SLC38A12: variants seen among roughly 807,000 people sequenced by gnomAD.
SLC38A12 encodes the protein solute carrier family 38 member 12, also known as putative sodium-coupled neutral amino acid transporter 12.
the SLC38A12 span, among the ~76,000 whole-genome samples, chr17:74,800,670 A>G: frequency 6.6e-6 from 1 of 152,266 alleles, no homozygotes; most frequent in Non-Finnish European, 1.5e-5. Flanking sequence ...CTCTGGGGAC[A>G]CTGTGCCGCC....
the SLC38A12 span, among the ~76,000 whole-genome samples, chr17:74,792,155 A>AG: frequency 6.8e-6 from 1 of 147,570 alleles, no homozygotes; most frequent in Non-Finnish European, 1.5e-5. Flanking sequence ...CAAAAAAAAA[A>AG]AAAAGAATTT....
chr17:74,785,376 C>A, the SLC38A12 span: 1 of 1,502,244 alleles, frequency 6.7e-7, no homozygotes, highest in Non-Finnish European at 9.0e-7. Context: ...ACAGTGTGGC[C>A]TTCTGGCCTC....
the SLC38A12 span, among the ~76,000 whole-genome samples, chr17:74,808,131 C>G: frequency 4.6e-5 from 7 of 152,230 alleles, no homozygotes; most frequent in African/African-American, 1.7e-4. Context: ...CGAGAAAGAG[C>G]CCACACAGGC....
the SLC38A12 span, among the ~76,000 whole-genome samples, chr17:74,799,059 A>G: frequency 3.3e-3 from 499 of 152,096 alleles, 2 homozygotes; most frequent in African/African-American, 0.011. Flanking sequence ...ACTGCCCAGC[A>G]CCTTTGTTGC....
chr17:74,819,733 T>C, the SLC38A12 span: 1 of 1,613,540 alleles, frequency 6.2e-7, no homozygotes, highest in East Asian at 2.2e-5. Flanking sequence ...CTCCTCACTC[T>C]TGTTTCCATC....
the SLC38A12 span, among the ~76,000 whole-genome samples, chr17:74,787,466 C>T: frequency 6.6e-6 from 1 of 151,342 alleles, no homozygotes; most frequent in Non-Finnish European, 1.5e-5. Context: ...ACTAAAAATA[C>T]AAAAAATTAG....
chr17:74,825,292 G>C, the SLC38A12 span, among the ~76,000 whole-genome samples: 4 of 152,366 alleles, frequency 2.6e-5, no homozygotes, highest in African/African-American at 9.6e-5. Flanking sequence ...TCCGTGTCCA[G>C]TCATGACTGG....
chr17:74,825,888 C>G, the SLC38A12 span, among the ~76,000 whole-genome samples: 1 of 152,178 alleles, frequency 6.6e-6, no homozygotes, highest in African/African-American at 2.4e-5. Flanking sequence ...CCACAGCAAC[C>G]CTGGAGCTCC....
the SLC38A12 span, among the ~76,000 whole-genome samples, chr17:74,786,643 G>A: frequency 3.3e-5 from 5 of 152,220 alleles, no homozygotes. Context: ...GGGAGGGAGT[G>A]GGTGCGGGCG....
the SLC38A12 span, chr17:74,836,013 G>A: frequency 2.4e-5 from 38 of 1,611,872 alleles, no homozygotes; most frequent in Non-Finnish European, 3.1e-5. The surrounding 1 kb of genome is among the most constrained non-coding windows in gnomAD (Gnocchi z 4.2). Context: ...CTTCTCGGGG[G>A]TCCGGAACCT....
the SLC38A12 span, among the ~76,000 whole-genome samples, chr17:74,818,561 G>A: frequency 6.6e-6 from 1 of 152,140 alleles, no homozygotes; most frequent in Non-Finnish European, 1.5e-5. Context: ...CCTTCTGCGG[G>A]GCTCCTACCT....
chr17:74,787,628 CAAAAAAA>C, the SLC38A12 span, among the ~76,000 whole-genome samples: 1 of 129,342 alleles, frequency 7.7e-6, no homozygotes, highest in Non-Finnish European at 1.6e-5. Context: ...GACTCCGTCT[CAAAAAAA>C]AAAAAAAAGA....
chr17:74,818,377 G>C, the SLC38A12 span, among the ~76,000 whole-genome samples: 1 of 152,210 alleles, frequency 6.6e-6, no homozygotes, highest in African/African-American at 2.4e-5. Flanking sequence ...TGGCTGCCAG[G>C]TCGCCTTCTC....
chr17:74,810,034 G>A, the SLC38A12 span, among the ~76,000 whole-genome samples: 1 of 152,192 alleles, frequency 6.6e-6, no homozygotes, highest in Non-Finnish European at 1.5e-5. Flanking sequence ...CTAGCTTGGT[G>A]GCCGCTTTGG....
chr17:74,839,592 G>A, the SLC38A12 span: 1 of 159,020 alleles, frequency 6.3e-6, no homozygotes, highest in African/African-American at 2.4e-5. Context: ...TTCTGCATTG[G>A]GACCAGGCAG....
the SLC38A12 span, among the ~76,000 whole-genome samples, chr17:74,816,866 C>T: frequency 2.0e-5 from 3 of 152,068 alleles, no homozygotes; most frequent in African/African-American, 4.8e-5. Flanking sequence ...CTGGAAGACC[C>T]AAGAGAGTAG....
the SLC38A12 span, among the ~76,000 whole-genome samples, chr17:74,818,526 G>A: frequency 2.0e-5 from 3 of 147,216 alleles, no homozygotes; most frequent in Non-Finnish European, 4.5e-5. Flanking sequence ...GGTGGGGGGC[G>A]GGGGGCGGGA....
the SLC38A12 span, chr17:74,837,528 A>C: frequency 2.0e-6 from 2 of 985,432 alleles, no homozygotes. Flanking sequence ...CTGGCACCTC[A>C]GCGGCTTGGC....
the SLC38A12 span, among the ~76,000 whole-genome samples, chr17:74,820,478 C>T: frequency 7.3e-4 from 111 of 152,364 alleles, 1 homozygote; most frequent in Middle Eastern, 3.4e-3. Context: ...ACTTCCGCCA[C>T]ACCATCCTGC....
Sources: gnomAD v4.1 joint callset for allele counts (sites outside exome capture counted in the v4.1 genomes callset) on GRCh38, gnomAD v4.1.1 for gene constraint, Gnocchi (gnomAD v3.1) non-coding constraint, MANE v1.5 for transcripts, NCBI Gene and HGNC (gene_info 2026-07-23, HGNC 2026-07-21) for gene names.